Variants in HUWE1 observed in about 807,000 individuals in gnomAD.
The protein encoded by HUWE1 is E3 ubiquitin-protein ligase HUWE1.
In HUWE1, 18 loss-of-function variants were observed where a neutral mutation model predicts 299.4. That is an observed-to-expected ratio of 0.06 (90% CI 0.04 to 0.09). The LOEUF (loss-of-function observed/expected upper bound fraction) is 0.09. Ranked by LOEUF, HUWE1 falls within the 10% of genes least tolerant of loss-of-function variation. The probability of loss-of-function intolerance (pLI) is 1.00; values close to 1 mark genes in which losing one functional copy is unlikely to be tolerated. For synonymous variants in HUWE1, 1,317 were observed against 1,286.1 expected, an observed-to-expected ratio of 1.02 and a Z score of -0.51; for missense variants, 1,832 against 3,462.3, an observed-to-expected ratio of 0.53 and a Z score of 11.82.
chrX:53,680,324 G>C (rs1415787105), intron 2 of HUWE1, 138 bp from the exon 3 acceptor site: 1 of 269,769 alleles, frequency 3.7e-6, no homozygotes, highest in Non-Finnish European at 6.5e-6. Flanking sequence ...ATATCTATTT[G>C]CATTTTTTAG....
At chrX:53,576,393 G>T (rs1014167196) in intron 44 of HUWE1, among the ~76,000 whole-genome samples, 1 of 111,930 alleles carries the variant, frequency 8.9e-6, no homozygotes, top group African/African-American at 3.3e-5. Context: ...AAAGGTGGAT[G>T]GGTGTGGTGG....
chrX:53,634,005 C>T lies in HUWE1; in HGVS notation c.567+231G>A, dbSNP rs143935836. On this transcript the variant is annotated intron_variant, in intron 8 of 83. Transcript: ENST00000262854. ...TACCTACTCAAGAACTGGGTATGAA[C>T]ACACACTCTATTTCTCAGATTTTTT... Among the ~76,000 whole-genome samples, 774 of 111,338 alleles carry T rather than the reference C, an allele frequency of 7.0e-3. 2 individuals carry two copies. Among genetic ancestry groups the T allele is most frequent in the Non-Finnish European group, 0.011 (572 of 53,081 alleles).
intron 3 of HUWE1, among the ~76,000 whole-genome samples, chrX:53,657,420 GGAGGCT>G (rs1267673965): frequency 8.9e-6 from 1 of 111,870 alleles, no homozygotes; most frequent in Non-Finnish European, 1.9e-5. Flanking sequence ...CAGCTACTCA[GGAGGCT>G]GAGGCAGGAG....
rs781926664 is a variant in HUWE1, at chrX:53,566,332, G to A, written c.6708-1093C>T. ...TCAAAAATTAATGGGACAGCTGGGC[G>A]TGATGGCTCACACCTGTAATCCCAG... is the stretch of plus-strand genomic sequence containing the variant. On this transcript the variant is annotated intron_variant, in intron 49 of 83. Transcript: ENST00000262854. Among the ~76,000 whole-genome samples the A allele has an allele frequency of 9.3e-5, 10 of 107,021 alleles. No individual in the cohort carries two copies. In the South Asian group the frequency reaches 1.3e-3, roughly 13 times the overall value. The allele number at this position is 107,021 out of a possible 115,157, so 92.9% of individuals were successfully genotyped here. A position where few individuals can be genotyped will look rare whatever the true frequency, so the allele number is the denominator to read the frequency against.
chrX:53,615,671 G>A, intron 22 of HUWE1, 73 bp downstream of exon 22: 2 of 787,827 alleles, frequency 2.5e-6, no homozygotes, highest in Admixed American at 2.4e-5. Context: ...ATGACCTCTA[G>A]TAGGCCAATC....
intron 7 of HUWE1, among the ~76,000 whole-genome samples, chrX:53,641,457 C>G (rs1185390747): frequency 9.0e-6 from 1 of 111,226 alleles, no homozygotes; most frequent in Non-Finnish European, 1.9e-5. Flanking sequence ...AAAACTAAGT[C>G]GAATATTTTG....
In HUWE1 at chrX:53,568,971, TG is replaced by T. The variant is rs2062695773; in HGVS notation, c.6525-98del. The T allele has an allele frequency of 7.1e-6, 5 of 701,427 alleles. No homozygotes were observed. In the East Asian group the frequency reaches 1.8e-4, roughly 25 times the overall value. The allele number at this position is 701,427 out of a possible 1,213,427, so 57.8% of individuals were successfully genotyped here. ...CCTCAGATAACCCTCCTGTAACTTT[TG>T]TATTTCCTTCTGGAAATAACATCTA... On this transcript the variant is annotated intron_variant, in intron 48 of 83. Coordinates refer to ENST00000262854, the MANE Select transcript of HUWE1 (RefSeq NM_031407.7).
chrX:53,623,629 T>G (rs2066289118), intron 19 of HUWE1, among the ~76,000 whole-genome samples: 1 of 111,698 alleles, frequency 9.0e-6, no homozygotes, highest in Non-Finnish European at 1.9e-5. Flanking sequence ...TCAGAAATCT[T>G]TGCTAATGTC....
chrX:53,613,465 A>T (rs1557004367), intron 23 of HUWE1, among the ~76,000 whole-genome samples: 1 of 111,887 alleles, frequency 8.9e-6, no homozygotes, highest in Non-Finnish European at 1.9e-5. Context: ...CCTACACACT[A>T]AAAGACCACT....
chrX:53,538,739 C>CTCTT (rs2146955056), intron 76 of HUWE1, 96 bp downstream of exon 76: 1 of 875,390 alleles, frequency 1.1e-6, no homozygotes, highest in East Asian at 3.4e-5. Flanking sequence ...CTCTCTCTCT[C>CTCTT]TCTCTCTCTC....
intron 19 of HUWE1, among the ~76,000 whole-genome samples, chrX:53,621,985 A>G (rs1290140130): frequency 8.9e-6 from 1 of 112,210 alleles, no homozygotes; most frequent in Non-Finnish European, 1.9e-5. Context: ...GGAGTTGGGG[A>G]AGTTAAATGG....
At chrX:53,633,245 T>C (rs931869171) in intron 8 of HUWE1, among the ~76,000 whole-genome samples, 2 of 112,386 alleles carry the variant, frequency 1.8e-5, no homozygotes, top group South Asian at 3.7e-4. Context: ...AAGACACCAC[T>C]TGCAGTGGTT....
At chrX:53,539,605 G>C in intron 75 of HUWE1, 52 bp downstream of exon 75, 6 of 1,159,346 alleles carry the variant, frequency 5.2e-6, no homozygotes, top group Non-Finnish European at 7.1e-6. Flanking sequence ...GGCAGGAAGG[G>C]CCCCAGAGCA....
At chrX:53,544,505 A>G (rs2061475560) in intron 72 of HUWE1, 55 bp downstream of exon 72, 5 of 1,003,686 alleles carry the variant, frequency 5.0e-6, no homozygotes, top group Non-Finnish European at 7.0e-6. Flanking sequence ...CCTCCAAGGA[A>G]TCTGGCTTTA....
In HUWE1 at chrX:53,549,326, A is replaced by G; in HGVS notation, c.9668T>C (p.Ile3223Thr). 3 of 1,211,973 alleles carry G rather than the reference A, an allele frequency of 2.5e-6. No homozygotes were observed. Among genetic ancestry groups the G allele is most frequent in the Non-Finnish European group, 3.4e-6 (3 of 895,458 alleles). ...CTGCAAGATGGAGAGCAGACTGCGG[A>G]TGACCCAGTGGCGGGTCTGGGCATG... The part of the protein sequence containing the change: ...CYHAQTRHWV[I>T]RSLLSILQRS... Residue 3223 changes from isoleucine (I) to threonine (T), a missense_variant, in exon 67 of 84, where the codon ATC (isoleucine) becomes ACC (threonine). By Grantham distance (89) the Ile-to-Thr change is moderately conservative. Around this residue, in one of 15 missense-constraint regions of HUWE1, gnomAD observed 91 missense variants for 281.2 expected, o/e 0.32. Coordinates refer to ENST00000262854, the MANE Select transcript of HUWE1 (RefSeq NM_031407.7).
chrX:53,660,502 G>C (rs1557044834), intron 3 of HUWE1, among the ~76,000 whole-genome samples: 2 of 112,200 alleles, frequency 1.8e-5, no homozygotes, highest in East Asian at 5.5e-4. Context: ...TAAAAATTTA[G>C]AAGTTGTTGT....
chrX:53,556,748 A>G (rs2062037499), intron 60 of HUWE1, among the ~76,000 whole-genome samples: 1 of 112,176 alleles, frequency 8.9e-6, no homozygotes, highest in Non-Finnish European at 1.9e-5. Flanking sequence ...TTAATTAAAA[A>G]AAGAACAAAA....
chrX:53,564,772 G>A lies in HUWE1; in HGVS notation c.6881-50C>T, dbSNP rs2147736003. 4 of 1,199,843 alleles carry A rather than the reference G, an allele frequency of 3.3e-6. No individual in the cohort carries two copies. In the South Asian group the frequency reaches 7.1e-5, roughly 21 times the overall value. On this transcript the variant is annotated intron_variant, in intron 50 of 83. Transcript: ENST00000262854. ...AATAATCAAAGAGTGCCTATGTGCT[G>A]GGCACCATGAGGCAAGCGCAAAGAC...
chrX:53,650,119 T>A (rs1557039068), intron 4 of HUWE1, among the ~76,000 whole-genome samples: 1 of 112,055 alleles, frequency 8.9e-6, no homozygotes, highest in African/African-American at 3.2e-5. Flanking sequence ...TTTTGCAGAG[T>A]CTTTTCTAGA....
Sources: gnomAD v4.1 joint callset for allele counts (sites outside exome capture counted in the v4.1 genomes callset) on GRCh38, gnomAD v4.1.1 for gene constraint, gnomAD v4.1.1 regional missense constraint, MANE v1.5 for transcripts, NCBI Gene and HGNC (gene_info 2026-07-23, HGNC 2026-07-21) for gene names.